The following CYSLTR2 variants were observed in gnomAD, a reference collection of about 807,000 sequenced individuals.
CYSLTR2 encodes G-protein coupled receptor GPCR21.
For missense variants in CYSLTR2, 398 were observed against 411.9 expected (o/e 0.97, Z 0.29); for synonymous variants, 179 against 160.8 (o/e 1.11, Z -0.86).
intron 1 of CYSLTR2, among the ~76,000 whole-genome samples, chr13:48,685,214 C>T (rs1242779546): frequency 6.6e-6 from 1 of 152,112 alleles, no homozygotes; most frequent in African/African-American, 2.4e-5. Context: ...TCTTACATGG[C>T]AGGAGCAGGA....
At chr13:48,692,834 TTCAAAGGAATTTGCA>T (rs1197150864) in intron 2 of CYSLTR2, among the ~76,000 whole-genome samples, 1 of 151,512 alleles carries the variant, frequency 6.6e-6, no homozygotes, top group African/African-American at 2.4e-5. Context: ...TATGATGTCA[TTCAAAGGAATTTGCA>T]TGTTTTGTTA....
chr13:48,693,893 C>A (rs58539064), intron 3 of CYSLTR2, among the ~76,000 whole-genome samples: 2 of 152,182 alleles, frequency 1.3e-5, no homozygotes, highest in Admixed American at 1.3e-4. Context: ...CTAAAGTAAA[C>A]CATCGTGTTT....
At chr13:48,655,065 C>G (rs759886703) in intron 1 of CYSLTR2, among the ~76,000 whole-genome samples, 10 of 152,186 alleles carry the variant, frequency 6.6e-5, no homozygotes, top group Non-Finnish European at 1.3e-4. Context: ...AAATTTCTAT[C>G]ATCTACTCAG....
At chr13:48,692,068 G>C (rs920575099) in intron 2 of CYSLTR2, among the ~76,000 whole-genome samples, 2 of 151,914 alleles carry the variant, frequency 1.3e-5, no homozygotes, top group African/African-American at 4.8e-5. Context: ...CATATTAATA[G>C]CTTGATTATT....
chr13:48,687,389 AGAT>A (rs140403611), intron 1 of CYSLTR2, among the ~76,000 whole-genome samples: 4,846 of 151,344 alleles, frequency 0.032, 270 homozygotes, highest in African/African-American at 0.11. Flanking sequence ...GATGATTGAT[AGAT>A]GATAATTGGT....
At chr13:48,680,795 C>CTTTTCTTTTTTTTTTTTTTTTTT (rs1953731479) in intron 1 of CYSLTR2, among the ~76,000 whole-genome samples, 4 of 110,612 alleles carry the variant, frequency 3.6e-5, no homozygotes, top group Non-Finnish European at 5.3e-5. Flanking sequence ...CTTTTCTTTT[C>CTTTTCTTTTTTTTTTTTTTTTTT]TTTTCTTTTT....
At chr13:48,684,433 A>T (rs890824700) in intron 1 of CYSLTR2, among the ~76,000 whole-genome samples, 1 of 151,634 alleles carries the variant, frequency 6.6e-6, no homozygotes, top group Non-Finnish European at 1.5e-5. Flanking sequence ...TCTAGCAAGC[A>T]TCAAGAGGAG....
At chr13:48,665,127 C>T (rs9595956) in intron 1 of CYSLTR2, among the ~76,000 whole-genome samples, 9,734 of 152,054 alleles carry the variant, frequency 0.064, 375 homozygotes, top group Middle Eastern at 0.12. Flanking sequence ...TTTGAATGTT[C>T]CCCTTGTTAT....
At chr13:48,666,117 T>C (rs1346044304) in intron 1 of CYSLTR2, among the ~76,000 whole-genome samples, 1 of 152,160 alleles carries the variant, frequency 6.6e-6, no homozygotes, top group East Asian at 1.9e-4. Context: ...AATTTTTGCT[T>C]GTCTGGGAAA....
chr13:48,694,948 C>A (rs1030756058), intron 3 of CYSLTR2: 3 of 151,950 alleles, frequency 2.0e-5, no homozygotes, highest in Admixed American at 2.0e-4. Context: ...CCTTTTTTTC[C>A]CCTCCATTTG....
intron 1 of CYSLTR2, among the ~76,000 whole-genome samples, chr13:48,687,277 G>A (rs1300028998): frequency 6.6e-6 from 1 of 151,964 alleles, no homozygotes; most frequent in African/African-American, 2.4e-5. Context: ...GGCCTGTTGT[G>A]GGACTTCTCA....
At chr13:48,685,001 GC>G (rs750857368) in intron 1 of CYSLTR2, among the ~76,000 whole-genome samples, 4 of 152,198 alleles carry the variant, frequency 2.6e-5, no homozygotes, top group Admixed American at 6.6e-5. Context: ...CTTCCCCAGA[GC>G]CTTCGAAGGA....
At chr13:48,706,146 G>C (rs11617924) in intron 4 of CYSLTR2, among the ~76,000 whole-genome samples, 2 of 151,654 alleles carry the variant, frequency 1.3e-5, no homozygotes, top group Non-Finnish European at 2.9e-5. Flanking sequence ...ACAGGTGCCT[G>C]CCACTGGGCC....
intron 2 of CYSLTR2, among the ~76,000 whole-genome samples, chr13:48,691,776 CT>C (rs1239963736): frequency 2.0e-5 from 3 of 151,784 alleles, no homozygotes; most frequent in Admixed American, 6.6e-5. Flanking sequence ...CATGAGCATT[CT>C]TTTTTTAACT....
intron 1 of CYSLTR2, among the ~76,000 whole-genome samples, chr13:48,658,791 C>A (rs1953059622): frequency 6.6e-6 from 1 of 151,986 alleles, no homozygotes; most frequent in Admixed American, 6.6e-5. Context: ...GTGTCCTTTA[C>A]TGAGGGGATG....
intron 4 of CYSLTR2, among the ~76,000 whole-genome samples, chr13:48,699,781 TA>T (rs1954292235): frequency 6.6e-6 from 1 of 151,388 alleles, no homozygotes; most frequent in Non-Finnish European, 1.5e-5. Flanking sequence ...GCAAGACTAA[TA>T]AAGAAGAAAA....
Position 48,709,367 on chromosome 13 carries a change from ATCCCAGT to A in CYSLTR2, c.*1510_*1516del, listed in dbSNP as rs1383612737. ...AAGTCAGTCATCATACTAAACAAAAATCCCAGTACCCTTTCCTTATTTAGCTACCAGA... is the reference window on the plus strand; with the variant it reads ...AAGTCAGTCATCATACTAAACAAAAAACCCTTTCCTTATTTAGCTACCAGA... On this transcript the variant is annotated 3_prime_UTR_variant, in exon 5 of 5. Transcript: ENST00000682523. 1 of 167,104 alleles carries A rather than the reference ATCCCAGT, an allele frequency of 6.0e-6. No homozygotes were observed. The highest frequency in any genetic ancestry group is 1.5e-5 in the Non-Finnish European group (1 of 68,142). The allele number at this position is 167,104 out of a possible 1,614,324, so 10.4% of individuals were successfully genotyped here.
At chr13:48,657,190 C>T (rs1454609953) in intron 1 of CYSLTR2, among the ~76,000 whole-genome samples, 1 of 152,174 alleles carries the variant, frequency 6.6e-6, no homozygotes, top group East Asian at 1.9e-4. Context: ...TATTAATTGA[C>T]CCATGGAGAA....
At chr13:48,674,548 C>G (rs576774837) in intron 1 of CYSLTR2, among the ~76,000 whole-genome samples, 1 of 152,260 alleles carries the variant, frequency 6.6e-6, no homozygotes, top group South Asian at 2.1e-4. Flanking sequence ...TCTTAGATTT[C>G]TTGCATTGGG....
Sources: allele counts gnomAD v4.1 joint callset (sites outside exome capture counted in the v4.1 genomes callset), GRCh38; gene constraint gnomAD v4.1.1; transcripts MANE v1.5; gene names NCBI Gene and HGNC (gene_info 2026-07-23, HGNC 2026-07-21).